Variants in TMPRSS11B observed in about 807,000 individuals in gnomAD.
TMPRSS11B encodes transmembrane serine protease 11B.
A neutral mutation model predicts 44.7 loss-of-function variants in TMPRSS11B; 53 were observed. The ratio of observed to expected loss-of-function variants is 1.19; its 90% CI spans 0.95 to 1.49. The LOEUF is 1.49. Among genes scored for constraint, TMPRSS11B ranks in the 40% most tolerant of loss-of-function variants. The pLI, the probability that TMPRSS11B is intolerant of heterozygous loss-of-function variation, is 0.00. For missense variants in TMPRSS11B, 526 were observed against 494.8 expected, an observed-to-expected ratio of 1.06 and a Z score of -0.60; for synonymous variants, 140 against 159.2, an observed-to-expected ratio of 0.88 and a Z score of 0.91.
intron 2 of TMPRSS11B, among the ~76,000 whole-genome samples, chr4:68,240,737 AC>A (rs1719800964): frequency 6.6e-6 from 1 of 152,112 alleles, no homozygotes; most frequent in Non-Finnish European, 1.5e-5. Context: ...AGTGCCCATT[AC>A]CCTTCTGAAA....
chr4:68,235,683 A>C (rs1719640016), intron 4 of TMPRSS11B, among the ~76,000 whole-genome samples: 1 of 152,166 alleles, frequency 6.6e-6, no homozygotes, highest in African/African-American at 2.4e-5. Flanking sequence ...ATTATCTTTC[A>C]TCATAGCAGT....
intron 2 of TMPRSS11B, among the ~76,000 whole-genome samples, chr4:68,237,626 C>G (rs1217779566): frequency 2.0e-5 from 3 of 152,254 alleles, no homozygotes; most frequent in Admixed American, 1.3e-4. Flanking sequence ...GTGTGAGTCA[C>G]AAGGTCTCAT....
chr4:68,230,850 C>G (rs542614754), intron 7 of TMPRSS11B, among the ~76,000 whole-genome samples: 2 of 151,816 alleles, frequency 1.3e-5, no homozygotes, highest in Middle Eastern at 3.5e-3. Flanking sequence ...GTTTTGTCAC[C>G]TTTCCTGAGT....
rs967435300 is a variant in TMPRSS11B, at chr4:68,236,266, T to A, written c.125A>T (p.Glu42Val). 3 of 1,564,678 alleles carry A rather than the reference T, an allele frequency of 1.9e-6. No homozygotes were observed. The highest frequency in any genetic ancestry group is 2.6e-6 in the Non-Finnish European group (3 of 1,151,444). The change falls in exon 3 of 10, where the codon GAG becomes GTG. Residue 42 changes from glutamate (E) to valine (V), a missense_variant and splice_region_variant. By Grantham distance (121) the Glu-to-Val change is moderately radical. Transcript: ENST00000332644. ...IGLLVHFLAV[E>V]KTYYYQGDFH... Reference sequence around the variant, plus strand: ...ATCACCTTGATAATAGTAAGTCTTCTCTGCAAAATTAAGAAAAAAAAACCT... The same window carrying A: ...ATCACCTTGATAATAGTAAGTCTTCACTGCAAAATTAAGAAAAAAAAACCT...
intron 5 of TMPRSS11B, among the ~76,000 whole-genome samples, chr4:68,233,742 G>GT (rs1162239450): frequency 6.6e-6 from 1 of 152,006 alleles, no homozygotes; most frequent in Admixed American, 6.6e-5. Context: ...TATTACTCCA[G>GT]TTTTTTCACA....
At chr4:68,236,868 G>A (rs144634098) in intron 2 of TMPRSS11B, among the ~76,000 whole-genome samples, 4 of 151,742 alleles carry the variant, frequency 2.6e-5, no homozygotes, top group Non-Finnish European at 4.4e-5. Context: ...TTGCCTGCTG[G>A]CCTGGTTTCC....
chr4:68,227,921 G>A lies in TMPRSS11B; in HGVS notation c.1241C>T (p.Thr414Ile). ...ATAATTCCTTTTTTTTCAGAGTCCAGTCTTGGATGTAATCCAATTGCGATA... is the reference window on the plus strand; with the variant it reads ...ATAATTCCTTTTTTTTCAGAGTCCAATCTTGGATGTAATCCAATTGCGATA... ...TSYRNWITSK[T>I]GL The change falls in exon 10 of 10, where the codon ACT (threonine) becomes ATT (isoleucine). Residue 414 changes from threonine to isoleucine, a missense_variant. Thr to Ile is a moderately conservative substitution (Grantham distance 89). Transcript: ENST00000332644. 2 of 1,609,504 alleles carry A rather than the reference G, an allele frequency of 1.2e-6. No individual in the cohort carries two copies. Among genetic ancestry groups the A allele is most frequent in the Non-Finnish European group, 1.7e-6 (2 of 1,178,478 alleles).
chr4:68,231,338 T>C lies in TMPRSS11B; in HGVS notation c.551A>G (p.Lys184Arg), dbSNP rs1309660495. Residue 184 changes from lysine to arginine, a missense_variant, in exon 7 of 10, where the codon AAA becomes AGA. Coordinates refer to ENST00000332644, the MANE Select transcript of TMPRSS11B (RefSeq NM_182502.3). ...CAGGGAGCTTTTTCCATTCACAATT[T>C]TGTTGCCAGTTATGATACTGTTGGC... is the stretch of plus-strand genomic sequence containing the variant. Reference protein sequence around the residue: ...QVANSIITGNKIVNGKSSLEG... With the variant: ...QVANSIITGNRIVNGKSSLEG... 6.2e-7 allele frequency: 1 copy of C among 1,613,998 alleles called. No individual in the cohort carries two copies. Among genetic ancestry groups the C allele is most frequent in the Non-Finnish European group, 8.5e-7 (1 of 1,179,900 alleles).
chr4:68,235,953 T>G, intron 4 of TMPRSS11B, 49 bp downstream of exon 4: 3 of 1,106,298 alleles, frequency 2.7e-6, no homozygotes, highest in Non-Finnish European at 3.9e-6. Context: ...GGTTGTATGA[T>G]ATATCACCTA....
rs180818027 is a variant in TMPRSS11B, at chr4:68,242,248, A to G, written c.9-444T>C. Among the ~76,000 whole-genome samples, 803 of 79,790 alleles carry G rather than the reference A, an allele frequency of 0.01. 47 individuals are homozygous for G. In the East Asian group the frequency reaches 0.16, roughly 15 times the overall value. 52.3% of individuals were successfully genotyped at this position (79,790 alleles called of 152,430 possible). On this transcript the variant is annotated intron_variant, in intron 1 of 9. Transcript: ENST00000332644. ...TATTATATTATATATATTATATTAT[A>G]TATATTATAATATATATAATATAAT...
chr4:68,236,386 C>T (rs911115385), intron 2 of TMPRSS11B, 120 bp from the exon 3 acceptor site: 3 of 645,344 alleles, frequency 4.6e-6, no homozygotes, highest in Admixed American at 2.8e-5. Context: ...TATACCTCTG[C>T]CTCAACCATT....
chr4:68,245,597 G>C lies in TMPRSS11B; in HGVS notation c.-39C>G, dbSNP rs1425862897. ...TTATGGCAGTATCAGGTATAACGGT[G>C]GTAATGATGATGACGAAGATAACGA... On this transcript the variant is annotated 5_prime_UTR_variant, in exon 1 of 10. Transcript: ENST00000332644. 3.7e-6 allele frequency: 6 copies of C among 1,608,828 alleles called. No homozygotes were observed. Among genetic ancestry groups the C allele is most frequent in the Non-Finnish European group, 5.1e-6 (6 of 1,175,968 alleles).
At chr4:68,242,178 T>C (rs1173952379) in intron 1 of TMPRSS11B, among the ~76,000 whole-genome samples, 15 of 113,810 alleles carry the variant, frequency 1.3e-4, no homozygotes, top group Non-Finnish European at 3.4e-5. Flanking sequence ...TAAAGACTTA[T>C]AGACACAATT....
In TMPRSS11B at chr4:68,245,653, C is replaced by T. The variant is rs1719981527; in HGVS notation, c.-95G>A. 8 of 1,479,466 alleles carry T rather than the reference C, an allele frequency of 5.4e-6. No individual in the cohort carries two copies. In the Admixed American group the frequency reaches 1.4e-4, roughly 25 times the overall value. The allele number at this position is 1,479,466 out of a possible 1,614,324, so 91.6% of individuals were successfully genotyped here. On this transcript the variant is annotated 5_prime_UTR_variant, in exon 1 of 10. Coordinates refer to ENST00000332644, the MANE Select transcript of TMPRSS11B (RefSeq NM_182502.3). ...ATGACAATGCTGGTAATAGTGATGA[C>T]AAAAGTTAGAACCTTCTGACGCAGC...
chr4:68,245,500 G>A, intron 1 of TMPRSS11B, 51 bp downstream of exon 1: 2 of 1,596,300 alleles, frequency 1.3e-6, no homozygotes, highest in Admixed American at 1.7e-5. Flanking sequence ...ATACTTAATG[G>A]CAACTTGCTA....
At chr4:68,242,384 A>ATAATATTAT (rs1719884934) in intron 1 of TMPRSS11B, among the ~76,000 whole-genome samples, 2 of 54,706 alleles carry the variant, frequency 3.7e-5, no homozygotes, top group South Asian at 5.6e-4. Context: ...TTATATATAT[A>ATAATATTAT]ATATATAATA....
At chr4:68,243,697 A>G (rs1338250376) in intron 1 of TMPRSS11B, among the ~76,000 whole-genome samples, 1 of 152,166 alleles carries the variant, frequency 6.6e-6, no homozygotes, top group Non-Finnish European at 1.5e-5. Flanking sequence ...TGTGACAGTA[A>G]GGTCTCAAAT....
chr4:68,230,004 G>T (rs2109955202), intron 7 of TMPRSS11B, among the ~76,000 whole-genome samples: 1 of 152,236 alleles, frequency 6.6e-6, no homozygotes, highest in African/African-American at 2.4e-5. Flanking sequence ...TAAGCAAGAA[G>T]ATGTGGTATT....
At chr4:68,237,334 A>G (rs1719699935) in intron 2 of TMPRSS11B, among the ~76,000 whole-genome samples, 1 of 152,074 alleles carries the variant, frequency 6.6e-6, no homozygotes, top group Non-Finnish European at 1.5e-5. Context: ...TACCCAGTCT[A>G]TCATTGATGG....
Sources: allele counts gnomAD v4.1 joint callset (sites outside exome capture counted in the v4.1 genomes callset), GRCh38; gene constraint gnomAD v4.1.1; transcripts MANE v1.5; gene names NCBI Gene and HGNC (gene_info 2026-07-23, HGNC 2026-07-21).